The following ZNF211 variants were observed in gnomAD, a reference collection of about 807,000 sequenced individuals.
ZNF211 encodes the protein zinc finger protein 211.
Under a neutral mutation model 12.1 loss-of-function variants are expected in ZNF211, and 18 were observed. The ratio of observed to expected loss-of-function variants is 1.48; its 90% confidence interval spans 1.03 to 2.20. The LOEUF is 2.20. ZNF211 is among the 30% of genes most tolerant of loss of function. The pLI is 0.00. For synonymous variants in ZNF211, 249 were observed against 246.0 expected (o/e 1.01, Z -0.11); for missense variants, 677 against 703.1 (o/e 0.96, Z 0.42).
At chr19:57,637,098 T>G (rs1982238241) in intron 3 of ZNF211, among the ~76,000 whole-genome samples, 1 of 152,242 alleles carries the variant, frequency 6.6e-6, no homozygotes, top group Non-Finnish European at 1.5e-5. Flanking sequence ...CAGTGGAATC[T>G]TTATGGTATT....
intron 3 of ZNF211, among the ~76,000 whole-genome samples, chr19:57,635,953 G>A (rs1982075998): frequency 6.6e-6 from 1 of 152,158 alleles, no homozygotes; most frequent in Admixed American, 6.5e-5. Flanking sequence ...ATATCTCACT[G>A]TGGTTGTGAT....
chr19:57,635,864 G>A lies in ZNF211; in HGVS notation c.256+1109G>A, dbSNP rs77950911. Among the ~76,000 whole-genome samples, 856 of 152,238 alleles carry A rather than the reference G, an allele frequency of 5.6e-3. 2 individuals carry two copies. The highest frequency in any genetic ancestry group is 9.7e-3 in the Non-Finnish European group (657 of 68,004). On this transcript the variant is annotated intron_variant, in intron 3 of 3. Transcript: ENST00000240731. ...ACATTCCCACAAGCAGCTGACAAAG[G>A]TTCCAGTTTCTTCACACCCTCACCA...
In ZNF211 at chr19:57,638,119, G is replaced by A. The variant is rs180676363; in HGVS notation, c.257-2585G>A. On this transcript the variant is annotated intron_variant, in intron 3 of 3. Transcript: ENST00000240731. ...TCACCATGTTGGCCAGGCTGGTCTTGAACTCCTGACCTCAGGTGATCCACC... is the reference window on the plus strand; with the variant it reads ...TCACCATGTTGGCCAGGCTGGTCTTAAACTCCTGACCTCAGGTGATCCACC... Among the ~76,000 whole-genome samples the A allele has an allele frequency of 2.9e-3, 445 of 152,036 alleles. 3 individuals carry two copies. Among genetic ancestry groups the A allele is most frequent in the African/African-American group, 0.01 (427 of 41,498 alleles).
chr19:57,634,773 A>G lies in ZNF211; in HGVS notation c.256+18A>G. The G allele has an allele frequency of 3.2e-6, 5 of 1,552,646 alleles. No individual in the cohort carries two copies. The highest frequency in any genetic ancestry group is 4.4e-6 in the Non-Finnish European group (5 of 1,148,668). On this transcript the variant is annotated intron_variant, in intron 3 of 3. Coordinates refer to ENST00000240731, the MANE Select transcript of ZNF211 (RefSeq NM_006385.5). ...CTCCCTGGGTAAGGCCCTCATACTCACCCTTGTGCCCTGGACTAGGCTCTC... is the reference window on the plus strand; with the variant it reads ...CTCCCTGGGTAAGGCCCTCATACTCGCCCTTGTGCCCTGGACTAGGCTCTC...
At position 57,639,830 on chromosome 19, in the gene ZNF211, T is replaced by C; in HGVS notation, c.257-874T>C. Reference sequence around the variant, plus strand: ...TAACTTGAATTTATACAAACTTAACTTCTTTAACTTTCCTTGTTCTTTTTT... The same window carrying C: ...TAACTTGAATTTATACAAACTTAACCTCTTTAACTTTCCTTGTTCTTTTTT... On this transcript the variant is annotated intron_variant, in intron 3 of 3. Transcript: ENST00000240731. The C allele has an allele frequency of 2.9e-6, 4 of 1,359,378 alleles. No individual in the cohort carries two copies. In the East Asian group the frequency reaches 1.0e-4, roughly 35 times the overall value. The allele number at this position is 1,359,378 out of a possible 1,614,324, so 84.2% of individuals were successfully genotyped here.
chr19:57,642,346 G>A lies in ZNF211; in HGVS notation c.*165G>A. 1.3e-6 allele frequency: 1 copy of A among 763,022 alleles called. No homozygotes were observed. Among genetic ancestry groups the A allele is most frequent in the Non-Finnish European group, 2.0e-6 (1 of 492,526 alleles). 47.3% of individuals were successfully genotyped at this position (763,022 alleles called of 1,614,324 possible). A position where few individuals can be genotyped will look rare whatever the true frequency, so the allele number is the denominator to read the frequency against. On this transcript the variant is annotated 3_prime_UTR_variant, in exon 4 of 4. Transcript: ENST00000240731. ...GTTACACTTTCTAACATGCCATTTAGAAAGTGTTAGACTTTCTCACCTGCC... is the reference window on the plus strand; with the variant it reads ...GTTACACTTTCTAACATGCCATTTAAAAAGTGTTAGACTTTCTCACCTGCC...
intron 3 of ZNF211, among the ~76,000 whole-genome samples, chr19:57,636,519 G>T (rs1982165152): frequency 2.0e-5 from 3 of 152,050 alleles, no homozygotes; most frequent in African/African-American, 7.2e-5. Context: ...AAATCATTTG[G>T]CCAGATATTT....
chr19:57,643,105 C>T lies in ZNF211; in HGVS notation c.*924C>T, dbSNP rs11880986. ...GAACAAGATGAATTTTGTTGTTATT[C>T]ACAAGGGTTATTACATACTGCCCAG... On this transcript the variant is annotated 3_prime_UTR_variant, in exon 4 of 4. Coordinates refer to ENST00000240731, the MANE Select transcript of ZNF211 (RefSeq NM_006385.5). Among the ~76,000 whole-genome samples, 27,453 of 151,936 alleles carry T rather than the reference C, an allele frequency of 0.18. 2,648 individuals are homozygous for T. The highest frequency in any genetic ancestry group is 0.32 in the East Asian group (1,652 of 5,166).
At chr19:57,636,764 G>A (rs934047457) in intron 3 of ZNF211, among the ~76,000 whole-genome samples, 3 of 152,178 alleles carry the variant, frequency 2.0e-5, no homozygotes, top group African/African-American at 7.2e-5. Context: ...TTTGGATTTT[G>A]ATAGGTATCG....
intron 3 of ZNF211, among the ~76,000 whole-genome samples, chr19:57,639,738 C>T (rs1304690109): frequency 6.6e-6 from 1 of 151,970 alleles, no homozygotes; most frequent in African/African-American, 2.4e-5. Context: ...TTGTATACTT[C>T]ATGTAGCTCT....
At chr19:57,634,902 C>T (rs1277589916) in intron 3 of ZNF211, 147 bp downstream of exon 3, 7 of 1,272,916 alleles carry the variant, frequency 5.5e-6, no homozygotes, top group Non-Finnish European at 7.0e-6. Context: ...GAGTGCAAGC[C>T]TACTTCCCTT....
chr19:57,633,195 C>T lies in ZNF211; in HGVS notation c.-152C>T, dbSNP rs113714661. ...GGCGGGACTTGTGGCGTCTTCGCAG[C>T]GGTCATTTTGGCTGCCCTCCCGGAG... On this transcript the variant is annotated 5_prime_UTR_variant, in exon 1 of 4. Transcript: ENST00000240731. The T allele has an allele frequency of 1.9e-3, 1,299 of 688,934 alleles. 9 individuals are homozygous for T. The highest frequency in any genetic ancestry group is 2.1e-3 in the Non-Finnish European group (942 of 440,404). 42.7% of individuals were successfully genotyped at this position (688,934 alleles called of 1,614,324 possible).
chr19:57,635,085 A>G (rs1568637736), intron 3 of ZNF211: 1 of 530,916 alleles, frequency 1.9e-6, no homozygotes, highest in Non-Finnish European at 2.4e-6. Context: ...AGACTGTGAC[A>G]TGAAATGTAG....
At position 57,640,941 on chromosome 19, in the gene ZNF211, A is replaced by G; in HGVS notation, c.494A>G (p.Gln165Arg). ...KQFYISANLQ[Q>R]HQRQHITEAP... ...TTCTACATCAGTGCAAATCTTCAACAGCACCAGAGGCAGCACATTACAGAG... is the reference window on the plus strand; with the variant it reads ...TTCTACATCAGTGCAAATCTTCAACGGCACCAGAGGCAGCACATTACAGAG... The change falls in exon 4 of 4, where the codon CAG becomes CGG. Residue 165 changes from glutamine to arginine, a missense_variant. Gln to Arg is a conservative substitution (Grantham distance 43). Coordinates refer to ENST00000240731, the MANE Select transcript of ZNF211 (RefSeq NM_006385.5). The G allele has an allele frequency of 1.2e-6, 2 of 1,614,238 alleles. No individual in the cohort carries two copies. The highest frequency in any genetic ancestry group is 1.7e-6 in the Non-Finnish European group (2 of 1,180,040).
Position 57,639,861 on chromosome 19 carries a change from G to C in ZNF211, c.257-843G>C, listed in dbSNP as rs1028700685. 2.7e-6 allele frequency: 4 copies of C among 1,466,542 alleles called. No individual in the cohort carries two copies. In the Admixed American group the frequency reaches 7.4e-5, roughly 27 times the overall value. The allele number at this position is 1,466,542 out of a possible 1,614,324, so 90.8% of individuals were successfully genotyped here. On this transcript the variant is annotated intron_variant, in intron 3 of 3. Transcript: ENST00000240731. ...AACTTTCCTTGTTCTTTTTTGTGCC[G>C]TGTTGTTCTGGGCCAGTGTTAGTTG...
chr19:57,640,691 TCTTTA>T lies in ZNF211; in HGVS notation c.257-8_257-4del, dbSNP rs755725276. The T allele has an allele frequency of 1.2e-6, 2 of 1,610,782 alleles. No individual in the cohort carries two copies. The highest frequency in any genetic ancestry group is 2.2e-5 in the South Asian group (2 of 90,908). ...AGGTAACATGTACTTCACCATGATC[TCTTTA>T]CTTTTAGGTTGTTGGTGTGGAGTGG... On this transcript the variant is annotated splice_polypyrimidine_tract_variant and splice_region_variant and intron_variant, in intron 3 of 3. Coordinates refer to ENST00000240731, the MANE Select transcript of ZNF211 (RefSeq NM_006385.5).
Position 57,643,683 on chromosome 19 carries a change from A to T in ZNF211, c.*1502A>T, listed in dbSNP as rs1218424824. ...AACCTAGTCAAAAACACATTATACC[A>T]TCATTATAATTATTACAATGAACAT... On this transcript the variant is annotated 3_prime_UTR_variant, in exon 4 of 4. Coordinates refer to ENST00000240731, the MANE Select transcript of ZNF211 (RefSeq NM_006385.5). Among the ~76,000 whole-genome samples, 1 of 152,198 alleles carries T rather than the reference A, an allele frequency of 6.6e-6. No homozygotes were observed. Among genetic ancestry groups the T allele is most frequent in the African/African-American group, 2.4e-5 (1 of 41,446 alleles).
At chr19:57,635,699 G>A (rs1982038840) in intron 3 of ZNF211, among the ~76,000 whole-genome samples, 1 of 152,150 alleles carries the variant, frequency 6.6e-6, no homozygotes, top group South Asian at 2.1e-4. Context: ...GTGAACATGG[G>A]TGTACAGATA....
chr19:57,636,656 A>G (rs1257381616), intron 3 of ZNF211, among the ~76,000 whole-genome samples: 1 of 152,176 alleles, frequency 6.6e-6, no homozygotes, highest in African/African-American at 2.4e-5. Flanking sequence ...GAGTCTTCCA[A>G]CTTTCATCCT....
Sources: gnomAD v4.1 joint callset for allele counts (sites outside exome capture counted in the v4.1 genomes callset) on GRCh38, gnomAD v4.1.1 for gene constraint, MANE v1.5 for transcripts, NCBI Gene and HGNC (gene_info 2026-07-23, HGNC 2026-07-21) for gene names.